DLX1: variants seen among roughly 807,000 people sequenced by gnomAD.
DLX1 encodes distal-less homeobox 1.
In DLX1, 7 loss-of-function variants were observed where a neutral mutation model predicts 25.0. That is an observed-to-expected ratio of 0.28 (90% CI 0.16 to 0.52). The LOEUF (loss-of-function observed/expected upper bound fraction) is 0.52, where lower values mean the gene tolerates loss of function less well. Ranked by LOEUF, DLX1 falls within the 20% of genes least tolerant of loss-of-function variation. The pLI is 0.96. For missense variants in DLX1, 233 were observed against 334.4 expected, an observed-to-expected ratio of 0.70 and a Z score of 2.37; for synonymous variants, 155 against 140.3, an observed-to-expected ratio of 1.10 and a Z score of -0.74.
In DLX1 at chr2:172,086,129, G is replaced by C. The variant is rs1053334375; in HGVS notation, c.313+139G>C. The C allele has an allele frequency of 5.9e-6, 4 of 678,216 alleles. No individual in the cohort carries two copies. In the South Asian group the frequency reaches 5.9e-5, roughly 10 times the overall value. The allele number at this position is 678,216 out of a possible 1,614,324, so 42.0% of individuals were successfully genotyped here. ...GGTGGGGTGGGGGTGGGGAGGGCGC[G>C]GGAGCAGTGGAGGTTTCGAATATCA... On this transcript the variant is annotated intron_variant, in intron 1 of 2. Coordinates refer to ENST00000361725, the MANE Select transcript of DLX1 (RefSeq NM_178120.5).
chr2:172,087,948 A>C (rs2105520884), intron 2 of DLX1, 55 bp from the exon 3 acceptor site: 1 of 1,504,114 alleles, frequency 6.6e-7, no homozygotes. Flanking sequence ...CCTCCCTGTG[A>C]CCTAGGTAGG....
In DLX1 at chr2:172,086,007, G is replaced by T. The variant is rs1205297652; in HGVS notation, c.313+17G>T. ...AGGACCCAGGTACGTGCGCTTGCCA[G>T]GGAGAGGGAGAGGAGGAGGTACAAG... On this transcript the variant is annotated intron_variant, in intron 1 of 2. Transcript: ENST00000361725. The T allele has an allele frequency of 6.2e-7, 1 of 1,600,444 alleles. No individual in the cohort carries two copies. The highest frequency in any genetic ancestry group is 1.7e-5 in the Admixed American group (1 of 59,004).
chr2:172,088,221 G>T lies in DLX1; in HGVS notation c.732G>T (p.Ala244=), dbSNP rs781635559. 6.4e-7 allele frequency: 1 copy of T among 1,559,700 alleles called. No individual in the cohort carries two copies. Among genetic ancestry groups the T allele is most frequent in the Non-Finnish European group, 8.7e-7 (1 of 1,153,656 alleles). ...IPSYTSWYPS[A]HQEAMQQPQL... ...GCTACACATCGTGGTACCCTTCAGC[G>T]CACCAAGAAGCTATGCAGCAACCCC... The change falls in exon 3 of 3, where the codon GCG becomes GCT. Residue 244 remains alanine, a synonymous_variant. Coordinates refer to ENST00000361725, the MANE Select transcript of DLX1 (RefSeq NM_178120.5).
rs200336628 is a variant in DLX1, at chr2:172,088,122, C to G, written c.633C>G (p.Pro211=). ...GGGCCCTGTCTGCTGGCTCCCCACCCGTGCCGCCCGGCTGGAACCCTAACT... is the reference window on the plus strand; with the variant it reads ...GGGCCCTGTCTGCTGGCTCCCCACCGGTGCCGCCCGGCTGGAACCCTAACT... The part of the protein sequence containing the change: ...NGRALSAGSP[P]VPPGWNPNSS... The change falls in exon 3 of 3, where the codon CCC becomes CCG. Residue 211 remains proline, a synonymous_variant. Coordinates refer to ENST00000361725, the MANE Select transcript of DLX1 (RefSeq NM_178120.5). 5.0e-6 allele frequency: 8 copies of G among 1,608,686 alleles called. No individual in the cohort carries two copies. The African/African-American group carries it at 5.4e-5, about 11-fold the overall frequency.
In DLX1 at chr2:172,086,740, AT is replaced by A; in HGVS notation, c.403del (p.Tyr135IlefsTer9). The A allele has an allele frequency of 6.2e-7, 1 of 1,607,134 alleles. No individual in the cohort carries two copies. The highest frequency in any genetic ancestry group is 8.5e-7 in the Non-Finnish European group (1 of 1,176,266). On this transcript the variant is annotated frameshift_variant, in exon 2 of 3. Coordinates refer to ENST00000361725, the MANE Select transcript of DLX1 (RefSeq NM_178120.5). LOFTEE classifies it high-confidence loss of function. The stretch of plus-strand genomic sequence containing the variant: ...AAAAAAGATCCGTAAACCCAGGACG[AT>A]TTATTCCAGTTTGCAGTTGCAGGCT... ...KGKKIRKPRT[I>X]YSSLQLQALN...
rs1479690750 is a variant in DLX1, at chr2:172,085,768, T to A, written c.91T>A (p.Ser31Thr). The A allele has an allele frequency of 4.3e-6, 7 of 1,613,974 alleles. No individual in the cohort carries two copies. Among genetic ancestry groups the A allele is most frequent in the Non-Finnish European group, 5.9e-6 (7 of 1,180,032 alleles). Residue 31 changes from serine (S) to threonine (T), a missense_variant, in exon 1 of 3, where the codon TCT (serine) becomes ACT (threonine). Transcript: ENST00000361725. The surrounding 1 kb of genome is among the most constrained non-coding windows in gnomAD (Gnocchi z 4.3). ...GTTTGGGCCGCCCAACCAGCAAATG[T>A]CTCCTTCTCCCATGTCCCACGGGCA... ...MEFGPPNQQM[S>T]PSPMSHGHYS...
intron 2 of DLX1, 102 bp downstream of exon 2, chr2:172,086,955 C>A: frequency 8.3e-7 from 1 of 1,208,176 alleles, no homozygotes; most frequent in South Asian, 1.2e-5. Context: ...GTCGGGGTGT[C>A]ACTGTGTGTA....
chr2:172,089,393 GTTA>G lies in DLX1; in HGVS notation c.*1142_*1144del, dbSNP rs1274557027. 3 of 152,534 alleles carry G rather than the reference GTTA, an allele frequency of 2.0e-5. No individual in the cohort carries two copies. The highest frequency in any genetic ancestry group is 3.4e-3 in the Middle Eastern group (1 of 294). The allele number at this position is 152,534 out of a possible 1,614,324, so 9.4% of individuals were successfully genotyped here. A position where few individuals can be genotyped will look rare whatever the true frequency, so the allele number is the denominator to read the frequency against. The stretch of plus-strand genomic sequence containing the variant: ...ACATATTATTGTTATTATTATTATT[GTTA>G]TTATTGTTGTTCTGTAAACATGTTG... On this transcript the variant is annotated 3_prime_UTR_variant, in exon 3 of 3. Coordinates refer to ENST00000361725, the MANE Select transcript of DLX1 (RefSeq NM_178120.5).
chr2:172,086,948 G>C (rs1036009762), intron 2 of DLX1, 95 bp downstream of exon 2: 1 of 1,289,108 alleles, frequency 7.8e-7, no homozygotes, highest in Non-Finnish European at 1.1e-6. Flanking sequence ...ACTCAGGGTC[G>C]GGGTGTCACT....
Position 172,085,788 on chromosome 2 carries a change from C to G in DLX1, c.111C>G (p.His37Gln), listed in dbSNP as rs377533627. 55 of 1,614,110 alleles carry G rather than the reference C, an allele frequency of 3.4e-5. No individual in the cohort carries two copies. The African/African-American group carries it at 6.9e-4, about 20-fold the overall frequency. Reference sequence around the variant, plus strand: ...AAATGTCTCCTTCTCCCATGTCCCACGGGCACTACTCCATGCACTGTTTAC... The same window carrying G: ...AAATGTCTCCTTCTCCCATGTCCCAGGGGCACTACTCCATGCACTGTTTAC... The part of the protein sequence containing the change: ...NQQMSPSPMS[H>Q]GHYSMHCLHS... The change falls in exon 1 of 3, where the codon CAC becomes CAG. Residue 37 changes from histidine (H) to glutamine (Q), a missense_variant. Transcript: ENST00000361725. This position sits in a 1 kb window ranked among gnomAD's most constrained non-coding sequence, Gnocchi z 4.3.
At chr2:172,087,383 C>G (rs1574156290) in intron 2 of DLX1, 1 of 400,206 alleles carries the variant, frequency 2.5e-6, no homozygotes, top group East Asian at 7.2e-5. Flanking sequence ...CCGGGGAGCC[C>G]GTGAGCGTTC....
chr2:172,087,838 G>A (rs1350794245), intron 2 of DLX1, among the ~76,000 whole-genome samples, 165 bp from the exon 3 acceptor site: 1 of 152,234 alleles, frequency 6.6e-6, no homozygotes, highest in African/African-American at 2.4e-5. Flanking sequence ...TCTTATGGGG[G>A]AAGGGAGGAA....
At chr2:172,086,628 G>A (rs1275142233) in intron 1 of DLX1, 26 bp from the exon 2 acceptor site, 14 of 1,513,886 alleles carry the variant, frequency 9.2e-6, no homozygotes, top group Non-Finnish European at 9.7e-6. Flanking sequence ...TATTAACAAC[G>A]GGCCCTACTT....
Position 172,087,987 on chromosome 2 carries a change from T to C in DLX1, c.514-16T>C. The C allele has an allele frequency of 2.0e-6, 3 of 1,506,268 alleles. No homozygotes were observed. In the South Asian group the frequency reaches 4.1e-5, roughly 20 times the overall value. The allele number at this position is 1,506,268 out of a possible 1,614,324, so 93.3% of individuals were successfully genotyped here. A position where few individuals can be genotyped will look rare whatever the true frequency, so the allele number is the denominator to read the frequency against. On this transcript the variant is annotated splice_polypyrimidine_tract_variant and intron_variant, in intron 2 of 2. Transcript: ENST00000361725. The stretch of plus-strand genomic sequence containing the variant: ...AGTGGTCCCAGCCTGAGTCACGTTG[T>C]TGTCCGCTCTTGCAGGTCAAGATCT...
rs1040620446 is a variant in DLX1 at position 172,088,064 on chromosome 2, C to T, written c.575C>T (p.Ala192Val). The part of the protein sequence containing the change: ...KFKKLMKQGG[A>V]ALEGSALANG... ...AAGAAGCTGATGAAGCAGGGTGGGGCGGCTCTGGAGGGTAGTGCGTTGGCC... is the reference window on the plus strand; with the variant it reads ...AAGAAGCTGATGAAGCAGGGTGGGGTGGCTCTGGAGGGTAGTGCGTTGGCC... Residue 192 changes from alanine (A) to valine (V), a missense_variant, in exon 3 of 3, where the codon GCG becomes GTG. Physicochemically the swap from Ala to Val is moderately conservative, Grantham distance 64. Around this residue, in one of 3 missense-constraint regions of DLX1, gnomAD observed 23 missense variants for 82.2 expected, o/e 0.28. Transcript: ENST00000361725. 16 of 1,554,116 alleles carry T rather than the reference C, an allele frequency of 1.0e-5. No homozygotes were observed. The highest frequency in any genetic ancestry group is 4.1e-5 in the Admixed American group (2 of 49,306).
rs1324049419 is a variant in DLX1 at position 172,089,430 on chromosome 2, T to C, written c.*1173T>C. 1 of 152,670 alleles carries C rather than the reference T, an allele frequency of 6.6e-6. No homozygotes were observed. The highest frequency in any genetic ancestry group is 1.5e-5 in the Non-Finnish European group (1 of 68,034). The allele number at this position is 152,670 out of a possible 1,614,324, so 9.5% of individuals were successfully genotyped here. A position where few individuals can be genotyped will look rare whatever the true frequency, so the allele number is the denominator to read the frequency against. ...GTTCTGTAAACATGTTGCACAAGCT[T>C]AGCCTTTTTGCGTTCTGTTGTGTGT... On this transcript the variant is annotated 3_prime_UTR_variant, in exon 3 of 3. Transcript: ENST00000361725.
At position 172,086,732 on chromosome 2, in the gene DLX1, C is replaced by A; in HGVS notation, c.392C>A (p.Pro131His). 6.2e-7 allele frequency: 1 copy of A among 1,600,546 alleles called. No individual in the cohort carries two copies. Among genetic ancestry groups the A allele is most frequent in the Non-Finnish European group, 8.5e-7 (1 of 1,171,986 alleles). The change falls in exon 2 of 3, where the codon CCC becomes CAC. Residue 131 changes from proline (P) to histidine (H), a missense_variant. Transcript: ENST00000361725. ...FNGKGKKIRK[P>H]RTIYSSLQLQ... ...GGCAAGGGAAAAAAGATCCGTAAAC[C>A]CAGGACGATTTATTCCAGTTTGCAG...
intron 1 of DLX1, chr2:172,086,294 C>A (rs992513120): frequency 2.1e-6 from 1 of 477,944 alleles, no homozygotes; most frequent in Non-Finnish European, 3.7e-6. Flanking sequence ...GCACACAATG[C>A]CCCGCTGGAA....
Position 172,089,127 on chromosome 2 carries a change from G to A in DLX1, c.*870G>A, listed in dbSNP as rs1363404804. On this transcript the variant is annotated 3_prime_UTR_variant, in exon 3 of 3. Transcript: ENST00000361725. Reference sequence around the variant, plus strand: ...AAGCCAACATGATTTTCTCATTTCGGGAGGAACTCTGTTGCTTCGCCTGGA... The same window carrying A: ...AAGCCAACATGATTTTCTCATTTCGAGAGGAACTCTGTTGCTTCGCCTGGA... 1 of 152,132 alleles carries A rather than the reference G, an allele frequency of 6.6e-6. No individual in the cohort carries two copies. Among genetic ancestry groups the A allele is most frequent in the Admixed American group, 6.5e-5 (1 of 15,274 alleles). The allele number at this position is 152,132 out of a possible 1,614,324, so 9.4% of individuals were successfully genotyped here.
Sources: gnomAD v4.1 joint callset for allele counts (sites outside exome capture counted in the v4.1 genomes callset) on GRCh38, gnomAD v4.1.1 for gene constraint, gnomAD v4.1.1 regional missense constraint, Gnocchi (gnomAD v3.1) non-coding constraint, MANE v1.5 for transcripts, NCBI Gene and HGNC (gene_info 2026-07-23, HGNC 2026-07-21) for gene names.